The following PARD3B variants were observed in gnomAD, a reference collection of about 807,000 sequenced individuals.
The protein encoded by PARD3B is par-3 family cell polarity regulator beta.
PARD3B carries 103 observed loss-of-function variants against 130.2 expected under a neutral mutation model. That is an observed-to-expected ratio of 0.79 (90% CI 0.67 to 0.93). PARD3B has a LOEUF of 0.93. Among genes scored for constraint, PARD3B ranks in the 40% least tolerant of loss-of-function variants. PARD3B has a pLI of 0.00. For synonymous variants in PARD3B, 583 were observed against 553.2 expected (o/e 1.05, Z -0.76); for missense variants, 1,609 against 1,499.2 (o/e 1.07, Z -1.21).
At chr2:205,095,375 T>C (rs1702335943) in intron 4 of PARD3B, among the ~76,000 whole-genome samples, 1 of 152,152 alleles carries the variant, frequency 6.6e-6, no homozygotes, top group African/African-American at 2.4e-5. Flanking sequence ...GTTATTTGAA[T>C]ATGAGAAAGA....
Position 205,258,966 on chromosome 2 carries a change from C to T in PARD3B, c.2185+13144C>T, listed in dbSNP as rs1312636805. Among the ~76,000 whole-genome samples, 1 of 152,084 alleles carries T rather than the reference C, an allele frequency of 6.6e-6. No individual in the cohort carries two copies. The highest frequency in any genetic ancestry group is 1.5e-5 in the Non-Finnish European group (1 of 68,010). ...CTGATAGTGATTTGAAAATTATACA[C>T]TGCATTTTTGGCATGCATACCTAAC... On this transcript the variant is annotated intron_variant, in intron 16 of 22. Transcript: ENST00000406610. The surrounding 1 kb of genome is among the most constrained non-coding windows in gnomAD (Gnocchi z 4.9).
intron 2 of PARD3B, among the ~76,000 whole-genome samples, chr2:204,947,740 G>T (rs1254085669): frequency 1.3e-5 from 2 of 152,114 alleles, no homozygotes; most frequent in Non-Finnish European, 2.9e-5. Context: ...AGATAAGTTT[G>T]AGAGGTTATG....
chr2:205,185,943 T>G lies in PARD3B; in HGVS notation c.2024+80T>G, dbSNP rs545677042. 23 of 1,111,930 alleles carry G rather than the reference T, an allele frequency of 2.1e-5. No homozygotes were observed. The African/African-American group carries it at 3.2e-4, about 16-fold the overall frequency. 68.9% of individuals were successfully genotyped at this position (1,111,930 alleles called of 1,614,324 possible). On this transcript the variant is annotated intron_variant, in intron 14 of 22. Transcript: ENST00000406610. ...ACACAGCAACCTTATTCAGCAAACT[T>G]ATTTTAACTCTATTTCTTTCTGGAA...
At chr2:205,512,566 A>T (rs926378988) in intron 21 of PARD3B, among the ~76,000 whole-genome samples, 14 of 152,112 alleles carry the variant, frequency 9.2e-5, no homozygotes, top group Non-Finnish European at 1.5e-4. Context: ...GCAATTTTCC[A>T]TTCCTTCGTT....
intron 15 of PARD3B, among the ~76,000 whole-genome samples, chr2:205,220,061 T>C (rs2125869015): frequency 2.0e-5 from 3 of 152,278 alleles, no homozygotes; most frequent in African/African-American, 7.2e-5. Context: ...TAGGGATGAA[T>C]GTAAATTCCT....
chr2:204,562,992 A>G (rs1341788873), intron 1 of PARD3B, among the ~76,000 whole-genome samples: 2 of 152,150 alleles, frequency 1.3e-5, no homozygotes, highest in Non-Finnish European at 2.9e-5. Flanking sequence ...CTGCCATGAC[A>G]ATGTACCACA....
At chr2:205,054,428 ATATATATATT>A (rs1387392989) in intron 4 of PARD3B, among the ~76,000 whole-genome samples, 7 of 31,830 alleles carry the variant, frequency 2.2e-4, no homozygotes, top group South Asian at 3.4e-3. Context: ...ATATATATAT[ATATATATATT>A]TTTTTTTTTT....
intron 2 of PARD3B, among the ~76,000 whole-genome samples, chr2:204,854,907 A>G (rs569365312): frequency 1.3e-5 from 2 of 152,140 alleles, no homozygotes; most frequent in Non-Finnish European, 2.9e-5. Context: ...GAAGAGAAAG[A>G]AAAAATAGCT....
In PARD3B at chr2:205,550,910, AATAC is replaced by A. The variant is rs1211277089; in HGVS notation, c.3181-2410_3181-2407del. ...TGTATATATACATAATCATGTTATA[AATAC>A]ATATAATTATGTGTGTGTGTGTGTG... On this transcript the variant is annotated intron_variant, in intron 21 of 22. Transcript: ENST00000406610. This position sits in a 1 kb window ranked among gnomAD's most constrained non-coding sequence, Gnocchi z 4.5. Among the ~76,000 whole-genome samples, 1 of 142,278 alleles carries A rather than the reference AATAC, an allele frequency of 7.0e-6. No homozygotes were observed. Among genetic ancestry groups the A allele is most frequent in the Non-Finnish European group, 1.5e-5 (1 of 65,792 alleles). The allele number at this position is 142,278 out of a possible 152,430, so 93.3% of individuals were successfully genotyped here.
chr2:205,194,160 A>C (rs1010982411), intron 15 of PARD3B, among the ~76,000 whole-genome samples: 8 of 152,232 alleles, frequency 5.3e-5, no homozygotes, highest in Admixed American at 3.3e-4. Context: ...GTTTTTTCTC[A>C]AGGCATATTA....
chr2:204,771,539 G>A (rs1175795613), intron 2 of PARD3B, among the ~76,000 whole-genome samples: 1 of 152,062 alleles, frequency 6.6e-6, no homozygotes, highest in African/African-American at 2.4e-5. Flanking sequence ...AAGGAGGGGG[G>A]CAAGGGTTGA....
chr2:205,494,647 G>T (rs963710387), intron 20 of PARD3B, among the ~76,000 whole-genome samples: 1 of 152,168 alleles, frequency 6.6e-6, no homozygotes, highest in African/African-American at 2.4e-5. Context: ...GCAAATAAAA[G>T]AATATCAAAA....
At chr2:205,382,918 G>A (rs1196351646) in intron 18 of PARD3B, among the ~76,000 whole-genome samples, 1 of 151,894 alleles carries the variant, frequency 6.6e-6, no homozygotes, top group Non-Finnish European at 1.5e-5. Context: ...GTGAAATGCT[G>A]TAAGTTTACC....
chr2:204,553,744 G>A (rs2030713939), intron 1 of PARD3B, among the ~76,000 whole-genome samples: 1 of 144,454 alleles, frequency 6.9e-6, no homozygotes, highest in Admixed American at 7.0e-5. Context: ...AAGAGAGACT[G>A]AATTAATGGC....
intron 22 of PARD3B, among the ~76,000 whole-genome samples, chr2:205,588,136 T>C (rs2054262984): frequency 6.6e-6 from 1 of 152,182 alleles, no homozygotes; most frequent in Non-Finnish European, 1.5e-5. Flanking sequence ...AAAAGACAGT[T>C]CTCTATTTTC....
intron 22 of PARD3B, among the ~76,000 whole-genome samples, chr2:205,582,635 C>T (rs1207456375): frequency 4.0e-5 from 6 of 150,780 alleles, no homozygotes; most frequent in African/African-American, 1.5e-4. Flanking sequence ...AAACACAGAA[C>T]AAATGGAACC....
chr2:204,556,477 C>T (rs879640238), intron 1 of PARD3B, among the ~76,000 whole-genome samples: 2 of 152,072 alleles, frequency 1.3e-5, no homozygotes, highest in Non-Finnish European at 2.9e-5. Flanking sequence ...ACAATATAGA[C>T]AAATAATGCC....
rs1232982205 is a variant in PARD3B, at chr2:205,617,999, G to A, written c.*2186G>A. 1 of 152,174 alleles carries A rather than the reference G, an allele frequency of 6.6e-6. No individual in the cohort carries two copies. The highest frequency in any genetic ancestry group is 1.5e-5 in the Non-Finnish European group (1 of 68,068). The allele number at this position is 152,174 out of a possible 1,614,324, so 9.4% of individuals were successfully genotyped here. ...TGAGAATCCTGTGTCTTGAAGGAGT[G>A]GCCTTTACAGGAAGAGTGCCCATGT... is the stretch of plus-strand genomic sequence containing the variant. On this transcript the variant is annotated 3_prime_UTR_variant, in exon 23 of 23. Transcript: ENST00000406610.
chr2:204,916,249 G>T (rs2047438671), intron 2 of PARD3B, among the ~76,000 whole-genome samples: 1 of 152,138 alleles, frequency 6.6e-6, no homozygotes, highest in South Asian at 2.1e-4. Flanking sequence ...TATTTTGTTT[G>T]TGAAACAGAA....
Sources: gnomAD v4.1 joint callset for allele counts (sites outside exome capture counted in the v4.1 genomes callset) on GRCh38, gnomAD v4.1.1 for gene constraint, Gnocchi (gnomAD v3.1) non-coding constraint, MANE v1.5 for transcripts, NCBI Gene and HGNC (gene_info 2026-07-23, HGNC 2026-07-21) for gene names.